Variants in RPGRIP1 observed in about 807,000 individuals in gnomAD.
The protein encoded by RPGRIP1 is RPGR interacting protein 1.
In RPGRIP1, 128 loss-of-function variants were observed where a neutral mutation model predicts 157.9. That is an observed-to-expected ratio of 0.81 (90% CI 0.70 to 0.94). The LOEUF is 0.94. Ranked by LOEUF, RPGRIP1 falls within the 40% of genes least tolerant of loss-of-function variation. The probability of loss-of-function intolerance (pLI) is 0.00; values close to 1 mark genes in which losing one functional copy is unlikely to be tolerated. For synonymous variants in RPGRIP1, 554 were observed against 571.6 expected (o/e 0.97, Z 0.44); for missense variants, 1,486 against 1,545.8 (o/e 0.96, Z 0.65).
Position 21,328,560 on chromosome 14 carries a change from T to C in RPGRIP1, c.3032T>C (p.Ile1011Thr). Residue 1011 changes from isoleucine (I) to threonine (T), a missense_variant, in exon 19 of 25, where the codon ATA (isoleucine) becomes ACA (threonine). By Grantham distance (89) the Ile-to-Thr change is moderately conservative. Coordinates refer to ENST00000400017, the MANE Select transcript of RPGRIP1 (RefSeq NM_020366.4). ...SYSRRKHGKR[I>T]GVQGKNRMEY... ...TCAAGAAGAAAACATGGCAAAAGAA[T>C]AGGTGTTCAAGGAAAGAATAGAATG... The C allele has an allele frequency of 1.9e-6, 3 of 1,613,718 alleles. No individual in the cohort carries two copies. The highest frequency in any genetic ancestry group is 2.5e-6 in the Non-Finnish European group (3 of 1,179,708).
chr14:21,324,056 A>G (rs1882785051), intron 14 of RPGRIP1: 1 of 160,500 alleles, frequency 6.2e-6, no homozygotes, highest in Non-Finnish European at 1.4e-5. Context: ...TTTTTACTCC[A>G]TTACTCTTTA....
Position 21,348,152 on chromosome 14 carries a change from T to G in RPGRIP1, c.3618-20T>G. The G allele has an allele frequency of 6.4e-7, 1 of 1,551,682 alleles. No homozygotes were observed. Among genetic ancestry groups the G allele is most frequent in the Non-Finnish European group, 8.7e-7 (1 of 1,148,220 alleles). The stretch of plus-strand genomic sequence containing the variant: ...ATTAAGAGTATCAACAGTGCTGAAT[T>G]AAATGCAATTTCTTTTTAGTTTAAA... On this transcript the variant is annotated intron_variant, in intron 23 of 24. Transcript: ENST00000400017.
In RPGRIP1 at chr14:21,318,246, A is replaced by G. The variant is rs1455614742; in HGVS notation, c.1306+396A>G. 1.0e-5 allele frequency: 4 copies of G among 386,166 alleles called. No individual in the cohort carries two copies. The East Asian group carries it at 3.0e-4, about 29-fold the overall frequency. 23.9% of individuals were successfully genotyped at this position (386,166 alleles called of 1,614,324 possible). A position where few individuals can be genotyped will look rare whatever the true frequency, so the allele number is the denominator to read the frequency against. On this transcript the variant is annotated intron_variant, in intron 11 of 24. Coordinates refer to ENST00000400017, the MANE Select transcript of RPGRIP1 (RefSeq NM_020366.4). The stretch of plus-strand genomic sequence containing the variant: ...CTCAGCCTCCCAAGTAGCTCGGATT[A>G]CAAGCATGCACTACCACGCCTGGCT...
intron 3 of RPGRIP1, among the ~76,000 whole-genome samples, chr14:21,295,674 C>G (rs147213778): frequency 1.7e-4 from 26 of 151,820 alleles, no homozygotes; most frequent in African/African-American, 5.8e-4. Context: ...CGGGGTTTCT[C>G]CATGTTGGTC....
At chr14:21,287,066 A>C (rs1276972647) in intron 1 of RPGRIP1, among the ~76,000 whole-genome samples, 1 of 151,650 alleles carries the variant, frequency 6.6e-6, no homozygotes, top group East Asian at 1.9e-4. Flanking sequence ...GAAGGAAGGA[A>C]GGAAAGAAAA....
At position 21,300,732 on chromosome 14, in the gene RPGRIP1, T is replaced by TA. The variant is rs1555365270; in HGVS notation, c.219-233dup. ...TTTTTTTTTTTTTTTTTTTTTTTTT[T>TA]ACTAAGATAAGGGTGTAATCACTGC... On this transcript the variant is annotated intron_variant, in intron 3 of 24. Coordinates refer to ENST00000400017, the MANE Select transcript of RPGRIP1 (RefSeq NM_020366.4). Among the ~76,000 whole-genome samples the TA allele has an allele frequency of 6.1e-3, 879 of 144,604 alleles. 62 individuals carry two copies. Among genetic ancestry groups the TA allele is most frequent in the Admixed American group, 0.058 (779 of 13,380 alleles). 94.9% of individuals were successfully genotyped at this position (144,604 alleles called of 152,430 possible).
At chr14:21,338,459 C>T (rs1268892264) in intron 21 of RPGRIP1, among the ~76,000 whole-genome samples, 1 of 152,180 alleles carries the variant, frequency 6.6e-6, no homozygotes, top group Non-Finnish European at 1.5e-5. Flanking sequence ...AGGGTGTTAT[C>T]TGGCACTAAT....
chr14:21,302,625 C>T, intron 5 of RPGRIP1, 41 bp downstream of exon 5: 2 of 1,215,430 alleles, frequency 1.6e-6, no homozygotes, highest in South Asian at 2.9e-5. Flanking sequence ...ATTCCTGCCA[C>T]TTTAATTAGA....
intron 18 of RPGRIP1, among the ~76,000 whole-genome samples, 153 bp downstream of exon 18, chr14:21,327,960 G>T (rs919943445): frequency 6.6e-6 from 1 of 152,190 alleles, no homozygotes; most frequent in Admixed American, 6.5e-5. Flanking sequence ...CCTGAGGTCA[G>T]GAGTTCAAGA....
intron 3 of RPGRIP1, among the ~76,000 whole-genome samples, chr14:21,295,016 T>G (rs2139145457): frequency 6.6e-6 from 1 of 151,734 alleles, no homozygotes; most frequent in African/African-American, 2.4e-5. Flanking sequence ...GCTAATTTAG[T>G]ATTTTTAAGT....
chr14:21,307,145 C>T (rs1156951476), intron 6 of RPGRIP1, among the ~76,000 whole-genome samples: 1 of 152,178 alleles, frequency 6.6e-6, no homozygotes, highest in African/African-American at 2.4e-5. Context: ...CAACCTCCGC[C>T]TCCCGCAGTT....
intron 22 of RPGRIP1, among the ~76,000 whole-genome samples, chr14:21,344,834 T>A (rs774383740): frequency 3.9e-5 from 6 of 152,148 alleles, no homozygotes; most frequent in Non-Finnish European, 8.8e-5. Context: ...TAATCCCAAC[T>A]ACTCGGGAGG....
intron 2 of RPGRIP1, among the ~76,000 whole-genome samples, chr14:21,290,926 A>G (rs1880503836): frequency 6.9e-6 from 1 of 143,950 alleles, no homozygotes; most frequent in South Asian, 2.2e-4. Context: ...ACTTGAACCC[A>G]GGAGGCATAG....
intron 1 of RPGRIP1, among the ~76,000 whole-genome samples, chr14:21,287,453 C>G (rs1288344158): frequency 6.6e-6 from 1 of 152,134 alleles, no homozygotes; most frequent in African/African-American, 2.4e-5. Flanking sequence ...TTAAACTTCT[C>G]AGTTTTATTT....
intron 22 of RPGRIP1, among the ~76,000 whole-genome samples, chr14:21,343,670 T>G (rs924232942): frequency 5.3e-5 from 8 of 151,864 alleles, no homozygotes; most frequent in Non-Finnish European, 2.9e-5. Context: ...TTTTGTGTTT[T>G]TAGTAGAGGC....
chr14:21,333,375 C>G (rs17103574), intron 20 of RPGRIP1, among the ~76,000 whole-genome samples: 9,291 of 152,230 alleles, frequency 0.061, 899 homozygotes, highest in African/African-American at 0.21. Context: ...CAGACCTTTT[C>G]CCTTTGAGAC....
intron 21 of RPGRIP1, among the ~76,000 whole-genome samples, chr14:21,338,028 T>G (rs1884572662): frequency 6.6e-6 from 1 of 152,134 alleles, no homozygotes; most frequent in Admixed American, 6.5e-5. Context: ...GCAATTCTCC[T>G]GTCTCACCCT....
chr14:21,305,396 A>AAAACACC (rs1174546717), intron 6 of RPGRIP1, among the ~76,000 whole-genome samples: 2 of 152,164 alleles, frequency 1.3e-5, no homozygotes, highest in South Asian at 2.1e-4. Context: ...TCATTTTTTC[A>AAAACACC]AAACACCAAA....
At chr14:21,350,955 T>G (rs1332226954) in intron 24 of RPGRIP1, 149 bp from the exon 25 acceptor site, 3 of 573,064 alleles carry the variant, frequency 5.2e-6, no homozygotes, top group Admixed American at 3.1e-5. Flanking sequence ...ACCTATACAC[T>G]ATACCATTTT....
Sources: gnomAD v4.1 joint callset for allele counts (sites outside exome capture counted in the v4.1 genomes callset) on GRCh38, gnomAD v4.1.1 for gene constraint, MANE v1.5 for transcripts, NCBI Gene and HGNC (gene_info 2026-07-23, HGNC 2026-07-21) for gene names.